PCCA: variants seen among roughly 807,000 people sequenced by gnomAD.
PCCA encodes the protein propionyl-CoA carboxylase subunit alpha.
PCCA carries 74 observed loss-of-function variants against 101.3 expected under a neutral mutation model. The ratio of observed to expected loss-of-function variants is 0.73; its 90% CI spans 0.61 to 0.89. PCCA has a LOEUF of 0.89. Among genes scored for constraint, PCCA ranks in the 40% least tolerant of loss-of-function variants. The probability of loss-of-function intolerance (pLI) is 0.00; values close to 1 mark genes in which losing one functional copy is unlikely to be tolerated. For synonymous variants in PCCA, 294 were observed against 313.6 expected (o/e 0.94, Z 0.66); for missense variants, 891 against 907.0 (o/e 0.98, Z 0.23).
At chr13:100,429,199 G>A (rs2079372441) in intron 20 of PCCA, among the ~76,000 whole-genome samples, 1 of 151,956 alleles carries the variant, frequency 6.6e-6, no homozygotes, top group Admixed American at 6.6e-5. Flanking sequence ...GTTAGCATGG[G>A]CAAACCTCCA....
chr13:100,209,561 C>T (rs563603289), intron 7 of PCCA, 98 bp downstream of exon 7: 1,113 of 511,220 alleles, frequency 2.2e-3, no homozygotes, highest in Non-Finnish European at 3.8e-3. Context: ...TTGGGATATA[C>T]ACACACACAC....
Position 100,348,727 on chromosome 13 carries a change from CCTTTCTTTCTTT to C in PCCA, c.1643+8520_1643+8531del, listed in dbSNP as rs139583993. Among the ~76,000 whole-genome samples, 680 of 99,192 alleles carry C rather than the reference CCTTTCTTTCTTT, an allele frequency of 6.9e-3. 16 individuals are homozygous for C. The highest frequency in any genetic ancestry group is 0.018 in the African/African-American group (471 of 25,532). 65.1% of individuals were successfully genotyped at this position (99,192 alleles called of 152,430 possible). On this transcript the variant is annotated intron_variant, in intron 18 of 23. Coordinates refer to ENST00000376285, the MANE Select transcript of PCCA (RefSeq NM_000282.4). ...TCAGCTTTTACTTTCCGTTTTTTTTCCTTTCTTTCTTTCTTTCTTTCTTTCTTTCTTTCTTTC... is the reference window on the plus strand; with the variant it reads ...TCAGCTTTTACTTTCCGTTTTTTTTCCTTTCTTTCTTTCTTTCTTTCTTTC...
intron 19 of PCCA, among the ~76,000 whole-genome samples, chr13:100,421,608 G>C (rs1856698276): frequency 6.6e-6 from 1 of 151,908 alleles, no homozygotes; most frequent in Admixed American, 6.6e-5. Context: ...CTATATTGCT[G>C]TGTGGTCTTC....
intron 4 of PCCA, among the ~76,000 whole-genome samples, chr13:100,132,368 C>T (rs938346787): frequency 2.6e-5 from 4 of 152,206 alleles, no homozygotes; most frequent in East Asian, 1.9e-4. Flanking sequence ...CTGGCAACCA[C>T]GGATGTGTTT....
intron 16 of PCCA, among the ~76,000 whole-genome samples, chr13:100,328,222 G>A (rs1459374505): frequency 6.6e-6 from 1 of 151,964 alleles, no homozygotes; most frequent in Non-Finnish European, 1.5e-5. Context: ...AATTAGCTGG[G>A]TGTGGTGGCG....
At chr13:100,248,698 T>C (rs770894902) in intron 8 of PCCA, among the ~76,000 whole-genome samples, 2 of 152,218 alleles carry the variant, frequency 1.3e-5, no homozygotes, top group African/African-American at 2.4e-5. Flanking sequence ...ACAAGTTCTT[T>C]CTTAGGTATG....
intron 20 of PCCA, among the ~76,000 whole-genome samples, chr13:100,430,254 GA>G (rs1173678784): frequency 6.6e-6 from 1 of 151,770 alleles, no homozygotes; most frequent in Non-Finnish European, 1.5e-5. Flanking sequence ...CAACAAGAGT[GA>G]AACTCCGTCT....
chr13:100,097,977 T>C (rs2046927321), intron 1 of PCCA, among the ~76,000 whole-genome samples: 1 of 151,968 alleles, frequency 6.6e-6, no homozygotes, highest in South Asian at 2.1e-4. Flanking sequence ...TGAGCTATGA[T>C]CCTATCACTA....
At chr13:100,124,681 GA>G (rs2049776067) in intron 4 of PCCA, among the ~76,000 whole-genome samples, 1 of 152,128 alleles carries the variant, frequency 6.6e-6, no homozygotes, top group South Asian at 2.1e-4. Flanking sequence ...GGAGGGTAAT[GA>G]TCAGGTAAAT....
At chr13:100,453,428 G>A (rs895543738) in intron 21 of PCCA, among the ~76,000 whole-genome samples, 2 of 151,840 alleles carry the variant, frequency 1.3e-5, no homozygotes, top group African/African-American at 2.4e-5. Context: ...CTTGAACCTT[G>A]GAGGTGGAGG....
At chr13:100,350,503 A>G (rs779518974) in intron 18 of PCCA, among the ~76,000 whole-genome samples, 1 of 152,330 alleles carries the variant, frequency 6.6e-6, no homozygotes, top group Non-Finnish European at 1.5e-5. Flanking sequence ...CTTACTTTTT[A>G]CTGTCTCTGT....
chr13:100,320,822 G>A (rs1202211491), intron 16 of PCCA, among the ~76,000 whole-genome samples: 1 of 152,162 alleles, frequency 6.6e-6, no homozygotes, highest in Non-Finnish European at 1.5e-5. Flanking sequence ...CACAATTATA[G>A]CTCACTGCAG....
chr13:100,385,671 G>A (rs1480470301), intron 19 of PCCA, among the ~76,000 whole-genome samples: 3 of 152,108 alleles, frequency 2.0e-5, no homozygotes, highest in South Asian at 2.1e-4. Context: ...TGCCCAGGCC[G>A]GAGTGCAGTG....
At chr13:100,529,240 T>C (rs1220188884) in intron 23 of PCCA, among the ~76,000 whole-genome samples, 2 of 152,148 alleles carry the variant, frequency 1.3e-5, no homozygotes, top group African/African-American at 4.8e-5. Context: ...AAACAGATCC[T>C]CTACTCTGGT....
chr13:100,392,050 T>C (rs2076825239), intron 19 of PCCA, among the ~76,000 whole-genome samples: 1 of 152,182 alleles, frequency 6.6e-6, no homozygotes, highest in African/African-American at 2.4e-5. Flanking sequence ...TGCACTTGAG[T>C]TCTCGTGTTT....
chr13:100,433,667 G>A (rs1044602507), intron 20 of PCCA, among the ~76,000 whole-genome samples: 1 of 152,060 alleles, frequency 6.6e-6, no homozygotes, highest in African/African-American at 2.4e-5. Flanking sequence ...TATCAAAACT[G>A]GTAAAACCTC....
intron 20 of PCCA, among the ~76,000 whole-genome samples, chr13:100,426,616 GACTGA>G (rs1230033733): frequency 1.3e-5 from 2 of 152,154 alleles, no homozygotes; most frequent in African/African-American, 4.8e-5. Context: ...ACTATGTGAT[GACTGA>G]ACTGATTTCT....
At chr13:100,249,706 G>A (rs2061645776) in intron 8 of PCCA, among the ~76,000 whole-genome samples, 1 of 152,060 alleles carries the variant, frequency 6.6e-6, no homozygotes, top group Non-Finnish European at 1.5e-5. Flanking sequence ...TCCTATCCAT[G>A]TACATTGATT....
rs192624657 is a variant in PCCA at position 100,157,641 on chromosome 13, T to C, written c.468+301T>C. 4.6e-5 allele frequency among the ~76,000 whole-genome samples: 7 copies of C among 152,298 alleles called. No homozygotes were observed. The East Asian group carries it at 1.3e-3, about 29-fold the overall frequency. ...CTTCAGATTTTTAACTGTAAATATG[T>C]TAGGGAGTTTAGTGAGTTATTGTAG... is the stretch of plus-strand genomic sequence containing the variant. On this transcript the variant is annotated intron_variant, in intron 6 of 23. Transcript: ENST00000376285.
Sources: allele counts gnomAD v4.1 joint callset (sites outside exome capture counted in the v4.1 genomes callset), GRCh38; gene constraint gnomAD v4.1.1; transcripts MANE v1.5; gene names NCBI Gene and HGNC (gene_info 2026-07-23, HGNC 2026-07-21).